The following NXPE4 variants were observed in gnomAD, a reference collection of about 807,000 sequenced individuals.
The protein encoded by NXPE4 is NXPE family member 4.
NXPE4 carries 42 observed loss-of-function variants against 33.3 expected under a neutral mutation model. The observed-to-expected ratio is 1.26, with a 90% CI of 0.98 to 1.63. The LOEUF is 1.63. Ranked by LOEUF, NXPE4 falls within the 40% of genes most tolerant of loss-of-function variation. NXPE4 has a pLI of 0.00. For missense variants in NXPE4, 709 were observed against 647.6 expected, an observed-to-expected ratio of 1.09 and a Z score of -1.03; for synonymous variants, 253 against 234.9, an observed-to-expected ratio of 1.08 and a Z score of -0.71.
the NXPE4 span, among the ~76,000 whole-genome samples, chr11:114,602,324 CTA>C: frequency 0.17 from 19,671 of 118,078 alleles, 2,108 homozygotes; most frequent in South Asian, 0.22. Context: ...ATATATTATA[CTA>C]TATATATGTT....
chr11:114,577,933 G>A (rs1394428796), intron 5 of NXPE4, among the ~76,000 whole-genome samples: 2 of 152,168 alleles, frequency 1.3e-5, no homozygotes, highest in East Asian at 1.9e-4. Context: ...AACCCTTTAC[G>A]ATATACAAAG....
At chr11:114,598,525 A>AT (rs1445087750), upstream of NXPE4, among the ~76,000 whole-genome samples, 1 of 152,192 alleles carries the variant, frequency 6.6e-6, no homozygotes, top group Non-Finnish European at 1.5e-5. Context: ...AGGCTTTTCC[A>AT]TACATCCTCT....
chr11:114,676,562 TTACCTCA>T, the NXPE4 span, among the ~76,000 whole-genome samples: 2 of 151,946 alleles, frequency 1.3e-5, no homozygotes, highest in Non-Finnish European at 1.5e-5. Flanking sequence ...CAATGAGAGA[TTACCTCA>T]TACCTGTTAG....
the NXPE4 span, among the ~76,000 whole-genome samples, chr11:114,601,358 C>A: frequency 6.8e-6 from 1 of 146,330 alleles, no homozygotes; most frequent in South Asian, 2.1e-4. Flanking sequence ...GTTTTCATTC[C>A]TGAGTTATGT....
At chr11:114,671,098 A>T in the NXPE4 span, among the ~76,000 whole-genome samples, 1 of 148,314 alleles carries the variant, frequency 6.7e-6, no homozygotes, top group African/African-American at 2.4e-5. Flanking sequence ...AATATATATA[A>T]ACAAAAATAT....
chr11:114,580,024 A>G (rs1949098855), intron 5 of NXPE4, 108 bp downstream of exon 5: 2 of 978,844 alleles, frequency 2.0e-6, no homozygotes, highest in Non-Finnish European at 3.2e-6. Flanking sequence ...GTGTGTTGTG[A>G]TTGAAGAATA....
chr11:114,640,180 TATTA>T, the NXPE4 span, among the ~76,000 whole-genome samples: 2 of 134,776 alleles, frequency 1.5e-5, no homozygotes, highest in African/African-American at 5.4e-5. Flanking sequence ...ATAATTTATA[TATTA>T]TATATAATTT....
At chr11:114,614,062 C>T in the NXPE4 span, among the ~76,000 whole-genome samples, 14 of 144,704 alleles carry the variant, frequency 9.7e-5, no homozygotes, top group South Asian at 1.1e-3. Flanking sequence ...TAATAAGTGT[C>T]GCCTCATGCA....
At chr11:114,653,847 C>T in the NXPE4 span, among the ~76,000 whole-genome samples, 1 of 152,010 alleles carries the variant, frequency 6.6e-6, no homozygotes, top group Non-Finnish European at 1.5e-5. Flanking sequence ...TTCTTTTCTA[C>T]CTACCTCTAG....
chr11:114,613,737 G>A, the NXPE4 span, among the ~76,000 whole-genome samples: 1 of 147,850 alleles, frequency 6.8e-6, no homozygotes, highest in Admixed American at 6.7e-5. Flanking sequence ...GTCTCATGGG[G>A]AACCACTGTT....
At position 114,571,270 on chromosome 11, in the gene NXPE4, G is replaced by C. The variant is rs924199233; in HGVS notation, c.1303C>G (p.Leu435Val). ...GGAAAGGGTCTGAAATGCTGGCCCA[G>C]GGAAATAACAATGACAGTATTTTTT... is the stretch of plus-strand genomic sequence containing the variant. ...GEKNTVIVIS[L>V]GQHFRPFPID... is the part of the protein sequence containing the mutation. Residue 435 changes from leucine (L) to valine (V), a missense_variant, in exon 6 of 6, where the codon CTG becomes GTG. Coordinates refer to ENST00000375478, the MANE Select transcript of NXPE4 (RefSeq NM_001077639.2). The C allele has an allele frequency of 1.2e-6, 2 of 1,613,948 alleles. No homozygotes were observed. The highest frequency in any genetic ancestry group is 1.7e-5 in the Admixed American group (1 of 59,994).
the NXPE4 span, among the ~76,000 whole-genome samples, chr11:114,643,891 A>G: frequency 6.6e-6 from 1 of 152,078 alleles, no homozygotes; most frequent in Non-Finnish European, 1.5e-5. Context: ...CTTCCTATTC[A>G]TGAGCATGGA....
chr11:114,607,205 G>C, the NXPE4 span, among the ~76,000 whole-genome samples: 1 of 151,822 alleles, frequency 6.6e-6, no homozygotes, highest in African/African-American at 2.4e-5. Context: ...TTACCCTGTG[G>C]AAAATAAATG....
the NXPE4 span, among the ~76,000 whole-genome samples, chr11:114,630,194 A>G: frequency 6.6e-6 from 1 of 151,792 alleles, no homozygotes; most frequent in Non-Finnish European, 1.5e-5. Flanking sequence ...TATGGAACCA[A>G]AAAAGAGCCC....
chr11:114,614,354 C>CG, the NXPE4 span, among the ~76,000 whole-genome samples: 1 of 151,408 alleles, frequency 6.6e-6, no homozygotes, highest in East Asian at 2.0e-4. Context: ...AGTGTTGCCT[C>CG]TAGGGTAACC....
At chr11:114,651,328 C>G in the NXPE4 span, among the ~76,000 whole-genome samples, 1 of 151,814 alleles carries the variant, frequency 6.6e-6, no homozygotes, top group South Asian at 2.1e-4. Flanking sequence ...CTTGTTACAG[C>G]TCGTTAAGGT....
intron 1 of NXPE4, among the ~76,000 whole-genome samples, chr11:114,595,091 C>G (rs750638478): frequency 1.3e-5 from 2 of 152,158 alleles, no homozygotes; most frequent in African/African-American, 4.8e-5. Context: ...TGTCACCTAT[C>G]AGGTTCCCTG....
the NXPE4 span, among the ~76,000 whole-genome samples, chr11:114,632,570 T>C: frequency 7.9e-5 from 9 of 113,952 alleles, no homozygotes; most frequent in East Asian, 2.0e-3. Flanking sequence ...TATATTTACA[T>C]ATATCATATA....
chr11:114,572,242 C>A (rs550497681), intron 5 of NXPE4, among the ~76,000 whole-genome samples: 2 of 152,202 alleles, frequency 1.3e-5, no homozygotes, highest in East Asian at 3.9e-4. Flanking sequence ...CCAGATCTTC[C>A]CTCTGACATG....
Sources: gnomAD v4.1 joint callset for allele counts (sites outside exome capture counted in the v4.1 genomes callset) on GRCh38, gnomAD v4.1.1 for gene constraint, MANE v1.5 for transcripts, NCBI Gene and HGNC (gene_info 2026-07-23, HGNC 2026-07-21) for gene names.